Variants in XRN2 observed in about 807,000 individuals in gnomAD.
XRN2 encodes the protein 5'-3' exoribonuclease 2, also known as DHM1-like protein.
A neutral mutation model predicts 138.5 loss-of-function variants in XRN2; 44 were observed. The ratio of observed to expected loss-of-function variants is 0.32; its 90% CI spans 0.25 to 0.41. XRN2 has a LOEUF of 0.41. Among genes scored for constraint, XRN2 ranks in the 10% least tolerant of loss-of-function variants. The probability of loss-of-function intolerance (pLI) is 1.00; values close to 1 mark genes in which losing one functional copy is unlikely to be tolerated. For synonymous variants in XRN2, 354 were observed against 369.4 expected (o/e 0.96, Z 0.48); for missense variants, 937 against 1,169.3 (o/e 0.80, Z 2.90).
rs1187540904 is a variant in XRN2, at chr20:21,307,660, C to T, written c.75+4187C>T. On this transcript the variant is annotated intron_variant, in intron 1 of 29. Coordinates refer to ENST00000377191, the MANE Select transcript of XRN2 (RefSeq NM_012255.5). ...AGTATATAATTTAATACAGTGCATA[C>T]ATCTGTGAAACCAGCACAACCAAGA... Among the ~76,000 whole-genome samples the T allele has an allele frequency of 2.6e-5, 2 of 76,282 alleles. 1 individual carries two copies. Among genetic ancestry groups the T allele is most frequent in the African/African-American group, 7.2e-5 (2 of 27,844 alleles). 50.0% of individuals were successfully genotyped at this position (76,282 alleles called of 152,430 possible). A position where few individuals can be genotyped will look rare whatever the true frequency, so the allele number is the denominator to read the frequency against.
At chr20:21,334,345 A>G (rs1405500724) in intron 13 of XRN2, among the ~76,000 whole-genome samples, 160 bp downstream of exon 13, 1 of 152,210 alleles carries the variant, frequency 6.6e-6, no homozygotes, top group Non-Finnish European at 1.5e-5. Flanking sequence ...TATTTTATAA[A>G]GGTTGTGCTG....
intron 27 of XRN2, among the ~76,000 whole-genome samples, chr20:21,378,552 A>G (rs953472443): frequency 1.6e-4 from 24 of 152,258 alleles, no homozygotes; most frequent in Non-Finnish European, 2.4e-4. Flanking sequence ...TTTACCTGAC[A>G]AAATAACCAG....
At chr20:21,328,525 G>T in intron 3 of XRN2, 34 bp from the exon 4 acceptor site, 1 of 1,573,516 alleles carries the variant, frequency 6.4e-7, no homozygotes, top group South Asian at 1.1e-5. Context: ...TGAATATTTT[G>T]ATGAGTGTTA....
intron 16 of XRN2, among the ~76,000 whole-genome samples, chr20:21,345,245 TATTGTTTAATCCTAGAGGAA>T (rs1200738767): frequency 4.6e-5 from 7 of 152,376 alleles, no homozygotes; most frequent in South Asian, 2.1e-4. Context: ...TTTAGTATTT[TATTGTTTAATCCTAGAGGAA>T]ATTGTTTAAT....
intron 23 of XRN2, 149 bp downstream of exon 23, chr20:21,356,814 GTT>G (rs1448594455): frequency 2.8e-6 from 2 of 711,824 alleles, no homozygotes; most frequent in Admixed American, 5.9e-5. Context: ...AAATGCTTGG[GTT>G]CAAAGCCTAG....
intron 20 of XRN2, among the ~76,000 whole-genome samples, chr20:21,352,523 A>G (rs564038048): frequency 7.2e-5 from 11 of 151,774 alleles, no homozygotes; most frequent in Middle Eastern, 3.2e-3. Flanking sequence ...TAGAGGTGGG[A>G]TTTCACCATG....
At chr20:21,315,962 T>C (rs565478967) in intron 1 of XRN2, among the ~76,000 whole-genome samples, 27 of 152,344 alleles carry the variant, frequency 1.8e-4, no homozygotes, top group Middle Eastern at 3.4e-3. Flanking sequence ...AATAAAAGTT[T>C]AAAATTTTGT....
intron 22 of XRN2, among the ~76,000 whole-genome samples, 189 bp downstream of exon 22, chr20:21,356,366 C>T (rs920358896): frequency 2.6e-5 from 4 of 152,010 alleles, no homozygotes; most frequent in African/African-American, 9.7e-5. Flanking sequence ...ATTTCTGTAC[C>T]TTTTAAATAA....
intron 1 of XRN2, among the ~76,000 whole-genome samples, chr20:21,325,066 G>A (rs1247601241): frequency 6.6e-6 from 1 of 152,062 alleles, no homozygotes; most frequent in African/African-American, 2.4e-5. Flanking sequence ...CATATAAATG[G>A]GATTGTATAG....
rs916389388 is a variant in XRN2, at chr20:21,308,010, C to T, written c.75+4537C>T. ...GGAGTGCAGTGGTGCGATCTCGGCT[C>T]ACTGCAACCTCCACCTTCTGGGTTC... On this transcript the variant is annotated intron_variant, in intron 1 of 29. Coordinates refer to ENST00000377191, the MANE Select transcript of XRN2 (RefSeq NM_012255.5). Among the ~76,000 whole-genome samples, 2 of 75,140 alleles carry T rather than the reference C, an allele frequency of 2.7e-5. 1 individual carries two copies. Among genetic ancestry groups the T allele is most frequent in the African/African-American group, 7.3e-5 (2 of 27,372 alleles). 49.3% of individuals were successfully genotyped at this position (75,140 alleles called of 152,430 possible).
chr20:21,350,889 T>C (rs538289839), intron 20 of XRN2, among the ~76,000 whole-genome samples: 27 of 152,264 alleles, frequency 1.8e-4, no homozygotes, highest in African/African-American at 6.5e-4. Context: ...ATATAAGGGT[T>C]GTGTGCTTCA....
chr20:21,377,689 A>G (rs2038841147), intron 27 of XRN2, among the ~76,000 whole-genome samples: 1 of 151,978 alleles, frequency 6.6e-6, no homozygotes, highest in Non-Finnish European at 1.5e-5. Flanking sequence ...TCATCCATTC[A>G]TCCACATCTT....
At position 21,354,591 on chromosome 20, in the gene XRN2, G is replaced by A. The variant is rs189081827; in HGVS notation, c.1937-198G>A. 1.6e-3 allele frequency among the ~76,000 whole-genome samples: 251 copies of A among 152,270 alleles called. 1 individual carries two copies. The highest frequency in any genetic ancestry group is 5.8e-3 in the African/African-American group (243 of 41,554). On this transcript the variant is annotated intron_variant, in intron 20 of 29. Transcript: ENST00000377191. ...AAGCCATTTTAAGAATGGAAAATAC[G>A]TAGAATTTTTTCTTCTGCAACTACA...
intron 24 of XRN2, among the ~76,000 whole-genome samples, chr20:21,358,569 G>A (rs910348938): frequency 2.0e-5 from 3 of 151,634 alleles, no homozygotes; most frequent in Non-Finnish European, 4.4e-5. Flanking sequence ...ATCCATTTTT[G>A]TTTCTCTCCC....
At chr20:21,345,277 C>T (rs1568582624) in intron 16 of XRN2, among the ~76,000 whole-genome samples, 2 of 152,044 alleles carry the variant, frequency 1.3e-5, no homozygotes, top group African/African-American at 2.4e-5. Flanking sequence ...TTGTTTAATC[C>T]TAGAGGAAAT....
At chr20:21,348,793 G>A (rs1455706483) in intron 19 of XRN2, among the ~76,000 whole-genome samples, 2 of 151,996 alleles carry the variant, frequency 1.3e-5, no homozygotes, top group Non-Finnish European at 2.9e-5. Flanking sequence ...ATAGGTGCTC[G>A]CCACCACGCC....
intron 27 of XRN2, among the ~76,000 whole-genome samples, chr20:21,377,801 C>G (rs755252050): frequency 2.0e-5 from 3 of 152,140 alleles, no homozygotes; most frequent in Non-Finnish European, 4.4e-5. Flanking sequence ...TAGAGTGAAT[C>G]TAAGCGCCAC....
Position 21,318,942 on chromosome 20 carries a change from A to G in XRN2, c.76-7337A>G, listed in dbSNP as rs140276625. 1.6e-3 allele frequency among the ~76,000 whole-genome samples: 243 copies of G among 152,110 alleles called. 2 individuals are homozygous for G. The Middle Eastern group carries it at 0.017, about 11-fold the overall frequency. The stretch of plus-strand genomic sequence containing the variant: ...AGGTCTCTGTTGATAGTGTTGTTCA[A>G]ATTATCTGTTTTCATGTTGATCTTC... On this transcript the variant is annotated intron_variant, in intron 1 of 29. Transcript: ENST00000377191.
intron 19 of XRN2, among the ~76,000 whole-genome samples, chr20:21,348,741 TCACGC>T (rs941718355): frequency 6.6e-6 from 1 of 152,160 alleles, no homozygotes; most frequent in Non-Finnish European, 1.5e-5. Flanking sequence ...CCTCCCGGGT[TCACGC>T]CATTCTCCTG....
Sources: allele counts gnomAD v4.1 joint callset (sites outside exome capture counted in the v4.1 genomes callset), GRCh38; gene constraint gnomAD v4.1.1; transcripts MANE v1.5; gene names NCBI Gene and HGNC (gene_info 2026-07-23, HGNC 2026-07-21).